Variants in ASRGL1 observed in about 807,000 individuals in gnomAD.
ASRGL1 encodes isoaspartyl peptidase/L-asparaginase.
In ASRGL1, 16 loss-of-function variants were observed where a neutral mutation model predicts 22.4. The ratio of observed to expected loss-of-function variants is 0.71; its 90% CI spans 0.48 to 1.08. The LOEUF (loss-of-function observed/expected upper bound fraction) is 1.08, where lower values mean the gene tolerates loss of function less well. ASRGL1 is among the 50% of genes least tolerant of loss of function. ASRGL1 has a pLI of 0.00. For missense variants in ASRGL1, 412 were observed against 410.1 expected (o/e 1.00, Z -0.04); for synonymous variants, 165 against 159.3 (o/e 1.04, Z -0.27).
At chr11:62,386,447 G>GATATGTACATATCATACATATCATAT (rs1947206258) in intron 4 of ASRGL1, among the ~76,000 whole-genome samples, 5 of 151,982 alleles carry the variant, frequency 3.3e-5, no homozygotes, top group Non-Finnish European at 2.9e-5. Flanking sequence ...CTTTATCATA[G>GATATGTACATATCATACATATCATAT]ATATGTACAT....
chr11:62,380,351 A>G (rs1947033935), intron 4 of ASRGL1, among the ~76,000 whole-genome samples: 2 of 152,140 alleles, frequency 1.3e-5, no homozygotes, highest in Non-Finnish European at 2.9e-5. Context: ...CCACAAAATC[A>G]GGGTAGGGCT....
intron 4 of ASRGL1, among the ~76,000 whole-genome samples, chr11:62,369,064 C>G (rs1316792648): frequency 6.6e-6 from 1 of 152,146 alleles, no homozygotes; most frequent in Non-Finnish European, 1.5e-5. Flanking sequence ...ACGGTCAGGT[C>G]TTTCCCTTCC....
downstream of ASRGL1, among the ~76,000 whole-genome samples, chr11:62,393,583 G>A (rs1331103751): frequency 6.6e-6 from 1 of 152,114 alleles, no homozygotes; most frequent in African/African-American, 2.4e-5. Flanking sequence ...TTTTCTGAGT[G>A]GGTCAAGGAA....
At chr11:62,348,952 CT>C (rs1946102594) in intron 2 of ASRGL1, among the ~76,000 whole-genome samples, 1 of 147,372 alleles carries the variant, frequency 6.8e-6, no homozygotes, top group Non-Finnish European at 1.5e-5. Context: ...GCTTGATGAA[CT>C]TTTTTGGTTT....
chr11:62,384,300 C>A (rs1380782379), intron 4 of ASRGL1, among the ~76,000 whole-genome samples: 2 of 151,850 alleles, frequency 1.3e-5, no homozygotes, highest in Non-Finnish European at 2.9e-5. Context: ...GTCAGGAGTT[C>A]AAGACCAGCC....
At chr11:62,359,039 A>G (rs1946372076) in intron 4 of ASRGL1, among the ~76,000 whole-genome samples, 1 of 152,262 alleles carries the variant, frequency 6.6e-6, no homozygotes. Context: ...TCTGTGGTGT[A>G]ATGGTTAGCA....
intron 4 of ASRGL1, among the ~76,000 whole-genome samples, chr11:62,376,862 GTTT>G (rs998579621): frequency 6.6e-6 from 1 of 152,162 alleles, no homozygotes; most frequent in African/African-American, 2.4e-5. Context: ...GACAATAAAT[GTTT>G]TTTAACATGG....
Position 62,349,893 on chromosome 11 carries a change from G to A in ASRGL1, c.191-6432G>A, listed in dbSNP as rs531334836. ...AGACCACATAGGGGAACTTCCTGAC[G>A]TTGTCATGGCGTTTGTAAGCTGTCA... On this transcript the variant is annotated intron_variant, in intron 2 of 6. Coordinates refer to ENST00000415229, the MANE Select transcript of ASRGL1 (RefSeq NM_001083926.2). Among the ~76,000 whole-genome samples the A allele has an allele frequency of 7.2e-5, 11 of 152,198 alleles. No individual in the cohort carries two copies. The South Asian group carries it at 1.0e-3, about 14-fold the overall frequency.
intron 3 of ASRGL1, 128 bp downstream of exon 3, chr11:62,356,595 T>C: frequency 1.7e-6 from 2 of 1,191,744 alleles, no homozygotes; most frequent in Non-Finnish European, 2.3e-6. Context: ...ACAGATGCAA[T>C]GTATTTGAGT....
the ASRGL1 span, among the ~76,000 whole-genome samples, chr11:62,400,752 G>A: frequency 1.3e-5 from 2 of 152,208 alleles, no homozygotes; most frequent in African/African-American, 4.8e-5. Context: ...GGCTGAGGCA[G>A]GCTTCGAGTT....
chr11:62,395,674 G>GC (rs1315899611), downstream of ASRGL1, among the ~76,000 whole-genome samples: 2 of 148,008 alleles, frequency 1.4e-5, no homozygotes, highest in Non-Finnish European at 3.0e-5. Flanking sequence ...CGTTCTTCCC[G>GC]CCCCCCACCT....
At chr11:62,373,593 ACAGGAACCGG>A (rs1207028826) in intron 4 of ASRGL1, among the ~76,000 whole-genome samples, 1 of 152,200 alleles carries the variant, frequency 6.6e-6, no homozygotes, top group Non-Finnish European at 1.5e-5. Flanking sequence ...AATGTCCCTT[ACAGGAACCGG>A]CAGCAGCTAG....
At chr11:62,351,615 A>G (rs1296498656) in intron 2 of ASRGL1, among the ~76,000 whole-genome samples, 1 of 149,144 alleles carries the variant, frequency 6.7e-6, no homozygotes, top group African/African-American at 2.5e-5. Flanking sequence ...GTGTCACTGC[A>G]CTCCAGCCTA....
At chr11:62,370,091 TTAAAG>T (rs372568122) in intron 4 of ASRGL1, among the ~76,000 whole-genome samples, 226 of 148,876 alleles carry the variant, frequency 1.5e-3, no homozygotes, top group African/African-American at 5.5e-3. Context: ...GTCACTGCAA[TTAAAG>T]TAAAATTGAA....
chr11:62,371,031 C>G lies in ASRGL1; in HGVS notation c.491+13887C>G, dbSNP rs1321746593. 1.3e-5 allele frequency: 6 copies of G among 472,104 alleles called. No homozygotes were observed. In the African/African-American group the frequency reaches 1.3e-4, roughly 10 times the overall value. 29.2% of individuals were successfully genotyped at this position (472,104 alleles called of 1,614,324 possible). The stretch of plus-strand genomic sequence containing the variant: ...AAGTGTATCTGAGTGGGCTGGAGCC[C>G]TCGTCTGGGCCAGGAAAAAAAAAAA... On this transcript the variant is annotated intron_variant, in intron 4 of 6. Transcript: ENST00000415229.
the ASRGL1 span, among the ~76,000 whole-genome samples, chr11:62,399,740 A>G: frequency 6.6e-6 from 1 of 152,164 alleles, no homozygotes; most frequent in Admixed American, 6.5e-5. Flanking sequence ...AGGATGGGGT[A>G]CAGTTGGCCC....
intron 4 of ASRGL1, among the ~76,000 whole-genome samples, chr11:62,362,209 C>T (rs1198843093): frequency 6.6e-6 from 1 of 151,572 alleles, no homozygotes; most frequent in Non-Finnish European, 1.5e-5. Context: ...TAGATATGCC[C>T]AAAGATGGAA....
the ASRGL1 span, among the ~76,000 whole-genome samples, chr11:62,400,208 A>G: frequency 8.5e-5 from 13 of 152,214 alleles, no homozygotes; most frequent in Admixed American, 7.8e-4. Context: ...TGCACACCCA[A>G]TTCCCTCTCC....
At chr11:62,358,400 T>TTA (rs1290066568) in intron 4 of ASRGL1, among the ~76,000 whole-genome samples, 24 of 147,792 alleles carry the variant, frequency 1.6e-4, no homozygotes, top group African/African-American at 5.2e-4. Context: ...AAGATTGACC[T>TTA]TATGTTGGCA....
Sources: allele counts gnomAD v4.1 joint callset (sites outside exome capture counted in the v4.1 genomes callset), GRCh38; gene constraint gnomAD v4.1.1; transcripts MANE v1.5; gene names NCBI Gene and HGNC (gene_info 2026-07-23, HGNC 2026-07-21).